The following CFAP20DC variants were observed in gnomAD, a reference collection of about 807,000 sequenced individuals.
The protein encoded by CFAP20DC is protein CFAP20DC.
In CFAP20DC, 84 loss-of-function variants were observed where a neutral mutation model predicts 101.7. The observed-to-expected ratio is 0.83, with a 90% CI of 0.69 to 0.99. The LOEUF is 0.99. CFAP20DC is among the 50% of genes least tolerant of loss of function. The pLI, the probability that CFAP20DC is intolerant of heterozygous loss-of-function variation, is 0.00. For synonymous variants in CFAP20DC, 359 were observed against 351.2 expected (o/e 1.02, Z -0.25); for missense variants, 1,007 against 970.3 (o/e 1.04, Z -0.50).
At chr3:58,716,600 T>C (rs964908144), downstream of CFAP20DC, among the ~76,000 whole-genome samples, 4 of 152,164 alleles carry the variant, frequency 2.6e-5, no homozygotes, top group East Asian at 1.9e-4. Flanking sequence ...GGAGAGCATC[T>C]GTAAATTATG....
chr3:58,798,618 T>G (rs1420033420), intron 15 of CFAP20DC, among the ~76,000 whole-genome samples: 3 of 152,216 alleles, frequency 2.0e-5, no homozygotes. Context: ...AACTCCAATT[T>G]TGAAAGAAGT....
rs1256913534 is a variant in CFAP20DC at position 58,897,943 on chromosome 3, AT to A, written c.551-13235del. Among the ~76,000 whole-genome samples the A allele has an allele frequency of 6.6e-6, 1 of 152,072 alleles. No homozygotes were observed. The highest frequency in any genetic ancestry group is 6.5e-5 in the Admixed American group (1 of 15,276). On this transcript the variant is annotated intron_variant, in intron 6 of 16. Transcript: ENST00000482387. This position sits in a 1 kb window ranked among gnomAD's most constrained non-coding sequence, Gnocchi z 4.4. ...TTGGCCTGGCTTACTAGGTTGGGGA[AT>A]TTCTCCTGGATGCTATCCTGAAATA...
Position 58,872,910 on chromosome 3 carries a change from C to T in CFAP20DC, c.716-2601G>A, listed in dbSNP as rs555477173. ...TAAGGCAGCTGTTCAAGCAGAATTC[C>T]GGATTCCTATTCTGGATACTGTCAG... On this transcript the variant is annotated intron_variant, in intron 7 of 16. Transcript: ENST00000482387. 3.0e-3 allele frequency among the ~76,000 whole-genome samples: 346 copies of T among 115,026 alleles called. 3 individuals carry two copies. Among genetic ancestry groups the T allele is most frequent in the African/African-American group, 0.01 (294 of 29,288 alleles). 75.5% of individuals were successfully genotyped at this position (115,026 alleles called of 152,430 possible).
At chr3:58,875,192 C>A (rs1190142530) in intron 7 of CFAP20DC, among the ~76,000 whole-genome samples, 1 of 152,166 alleles carries the variant, frequency 6.6e-6, no homozygotes, top group South Asian at 2.1e-4. Flanking sequence ...TTGGATTACA[C>A]ATGAAATTTC....
In CFAP20DC at chr3:58,892,076, T is replaced by G. The variant is rs1017838547; in HGVS notation, c.551-7367A>C. Among the ~76,000 whole-genome samples, 1 of 152,258 alleles carries G rather than the reference T, an allele frequency of 6.6e-6. No individual in the cohort carries two copies. The highest frequency in any genetic ancestry group is 1.5e-5 in the Non-Finnish European group (1 of 68,048). On this transcript the variant is annotated intron_variant, in intron 6 of 16. Transcript: ENST00000482387. The surrounding 1 kb of genome is among the most constrained non-coding windows in gnomAD (Gnocchi z 4.0). Reference sequence around the variant, plus strand: ...GGCTAACCAGTTATCCCAGCATCATTTATTGAACAGGGAGTATTTTCCCCA... The same window carrying G: ...GGCTAACCAGTTATCCCAGCATCATGTATTGAACAGGGAGTATTTTCCCCA...
At position 59,046,847 on chromosome 3, in the gene CFAP20DC, G is replaced by A. The variant is rs546350015; in HGVS notation, c.111+318C>T. ...GTAGGGATGAATGCTGAAGTAGAGC[G>A]GAAGAGGTTGTTAAAGATGAAGAAA... On this transcript the variant is annotated intron_variant, in intron 2 of 16. Transcript: ENST00000482387. Among the ~76,000 whole-genome samples the A allele has an allele frequency of 6.8e-4, 103 of 152,220 alleles. 2 individuals are homozygous for A. The South Asian group carries it at 0.02, about 29-fold the overall frequency.
chr3:58,755,960 G>A (rs1243388628), intron 15 of CFAP20DC, among the ~76,000 whole-genome samples: 1 of 152,112 alleles, frequency 6.6e-6, no homozygotes, highest in East Asian at 1.9e-4. Context: ...AATGTTTCAT[G>A]ACAGATGAAA....
intron 15 of CFAP20DC, among the ~76,000 whole-genome samples, chr3:58,790,121 T>G (rs2072726899): frequency 6.6e-6 from 1 of 152,150 alleles, no homozygotes; most frequent in East Asian, 1.9e-4. Flanking sequence ...GATCCCACAG[T>G]GAGCCATAAT....
chr3:58,926,085 G>A (rs2085932547), intron 5 of CFAP20DC, among the ~76,000 whole-genome samples: 2 of 152,158 alleles, frequency 1.3e-5, no homozygotes, highest in Non-Finnish European at 2.9e-5. Context: ...TAATATTCAG[G>A]CCAGGCACAG....
intron 15 of CFAP20DC, among the ~76,000 whole-genome samples, chr3:58,773,415 GA>G (rs72252717): frequency 8.0e-5 from 12 of 150,040 alleles, no homozygotes; most frequent in Admixed American, 4.0e-4. Flanking sequence ...AAAAGAAAAA[GA>G]AAAAAAAGTA....
intron 14 of CFAP20DC, among the ~76,000 whole-genome samples, chr3:58,825,518 C>T (rs2075980326): frequency 6.8e-6 from 1 of 147,046 alleles, no homozygotes; most frequent in Non-Finnish European, 1.5e-5. Flanking sequence ...GATAGCTGTT[C>T]CTGTTCCTTA....
intron 5 of CFAP20DC, among the ~76,000 whole-genome samples, chr3:58,936,109 C>T (rs1389343241): frequency 1.5e-3 from 228 of 152,102 alleles, no homozygotes; most frequent in African/African-American, 4.8e-3. Context: ...AAAAAGTGGG[C>T]GAAGGACATG....
intron 15 of CFAP20DC, among the ~76,000 whole-genome samples, chr3:58,775,736 C>G (rs968033700): frequency 2.7e-5 from 4 of 149,718 alleles, no homozygotes; most frequent in Non-Finnish European, 5.9e-5. Context: ...TTTCCTCTCC[C>G]TTTTCTGTCT....
intron 15 of CFAP20DC, among the ~76,000 whole-genome samples, chr3:58,790,231 G>A (rs1019152237): frequency 3.3e-5 from 5 of 152,116 alleles, no homozygotes; most frequent in African/African-American, 1.2e-4. Context: ...TAATACCCAT[G>A]GCTCAGTTTG....
At chr3:58,858,708 C>T (rs2079025578) in intron 12 of CFAP20DC, among the ~76,000 whole-genome samples, 1 of 152,094 alleles carries the variant, frequency 6.6e-6, no homozygotes, top group South Asian at 2.1e-4. Context: ...CTGCAATATT[C>T]AAAATACACT....
chr3:58,856,230 A>G (rs527664082), intron 12 of CFAP20DC, among the ~76,000 whole-genome samples: 1 of 148,768 alleles, frequency 6.7e-6, no homozygotes, highest in Non-Finnish European at 1.5e-5. Context: ...CATCCTGGGC[A>G]TACATTGTCT....
chr3:58,943,165 G>A (rs1218842402), intron 4 of CFAP20DC, among the ~76,000 whole-genome samples: 3 of 152,192 alleles, frequency 2.0e-5, no homozygotes, highest in African/African-American at 7.2e-5. Flanking sequence ...AGACTTAAAT[G>A]TTCCTGCCTG....
chr3:58,986,872 A>G (rs1463298042), intron 4 of CFAP20DC, among the ~76,000 whole-genome samples: 1 of 152,190 alleles, frequency 6.6e-6, no homozygotes, highest in Non-Finnish European at 1.5e-5. Flanking sequence ...GAAATGATAC[A>G]CCATGAGGGA....
At chr3:58,846,733 C>A (rs1362329147) in intron 13 of CFAP20DC, among the ~76,000 whole-genome samples, 1 of 149,306 alleles carries the variant, frequency 6.7e-6, no homozygotes, top group Admixed American at 6.7e-5. Flanking sequence ...AAGAACAAAG[C>A]TGGAGGCATC....
Sources: gnomAD v4.1 joint callset for allele counts (sites outside exome capture counted in the v4.1 genomes callset) on GRCh38, gnomAD v4.1.1 for gene constraint, Gnocchi (gnomAD v3.1) non-coding constraint, MANE v1.5 for transcripts, NCBI Gene and HGNC (gene_info 2026-07-23, HGNC 2026-07-21) for gene names.